Variants in RANBP2 observed in about 807,000 individuals in gnomAD.
The protein encoded by RANBP2 is E3 SUMO-protein ligase RanBP2.
In RANBP2, 57 loss-of-function variants were observed where a neutral mutation model predicts 303.6. The ratio of observed to expected loss-of-function variants is 0.19; its 90% CI spans 0.15 to 0.23. The LOEUF is 0.23. Ranked by LOEUF, RANBP2 falls within the 10% of genes least tolerant of loss-of-function variation. The probability of loss-of-function intolerance (pLI) is 1.00; values close to 1 mark genes in which losing one functional copy is unlikely to be tolerated. For missense variants in RANBP2, 3,138 were observed against 3,780.8 expected, an observed-to-expected ratio of 0.83 and a Z score of 4.46; for synonymous variants, 1,167 against 1,301.5, an observed-to-expected ratio of 0.90 and a Z score of 2.23.
the RANBP2 span, among the ~76,000 whole-genome samples, chr2:108,834,016 G>T: frequency 6.6e-6 from 1 of 150,628 alleles, no homozygotes; most frequent in Non-Finnish European, 1.5e-5. Context: ...AAAGTGCTGG[G>T]ATTACAGGCG....
chr2:109,647,627 C>A, the RANBP2 span, among the ~76,000 whole-genome samples: 1 of 151,966 alleles, frequency 6.6e-6, no homozygotes, highest in Non-Finnish European at 1.5e-5. Context: ...TGACACCATG[C>A]CCAGCTAATT....
chr2:109,053,653 T>C, the RANBP2 span, among the ~76,000 whole-genome samples: 1 of 152,220 alleles, frequency 6.6e-6, no homozygotes, highest in African/African-American at 2.4e-5. Flanking sequence ...ATAAACCTGC[T>C]TCATGTCACT....
At chr2:109,346,871 T>C in the RANBP2 span, among the ~76,000 whole-genome samples, 1 of 152,216 alleles carries the variant, frequency 6.6e-6, no homozygotes, top group Admixed American at 6.5e-5. Flanking sequence ...TGAACAATTG[T>C]ACTTCTGGAA....
the RANBP2 span, among the ~76,000 whole-genome samples, chr2:108,998,833 AG>A: frequency 2.7e-3 from 418 of 152,244 alleles, no homozygotes; most frequent in African/African-American, 9.1e-3. Context: ...AAATGGCTTC[AG>A]CCTGGCTCAG....
the RANBP2 span, among the ~76,000 whole-genome samples, chr2:109,780,148 G>GTTAGTCTGTTCACTGCCATC: frequency 1.0e-5 from 1 of 95,672 alleles, no homozygotes; most frequent in Non-Finnish European, 1.9e-5. Context: ...TCAAATCATA[G>GTTAGTCTGTTCACTGCCATC]TTAGTCTGTT....
chr2:109,022,609 G>A, the RANBP2 span, among the ~76,000 whole-genome samples: 1 of 152,094 alleles, frequency 6.6e-6, no homozygotes, highest in South Asian at 2.1e-4. Context: ...AAAGGTGGGA[G>A]GGGGAGAGGG....
chr2:109,013,225 G>A, the RANBP2 span, among the ~76,000 whole-genome samples: 48 of 152,288 alleles, frequency 3.2e-4, no homozygotes, highest in East Asian at 5.2e-3. Context: ...AAGGACATCC[G>A]CTTCCTTCGG....
the RANBP2 span, among the ~76,000 whole-genome samples, chr2:108,817,483 G>C: frequency 6.6e-6 from 1 of 152,024 alleles, no homozygotes; most frequent in African/African-American, 2.4e-5. Flanking sequence ...AGTAGAGACG[G>C]GGTTGCACTG....
the RANBP2 span, among the ~76,000 whole-genome samples, chr2:109,636,754 A>G: frequency 6.6e-6 from 1 of 152,168 alleles, no homozygotes; most frequent in Non-Finnish European, 1.5e-5. Context: ...CCTGGCCAAC[A>G]TGATGAAACC....
chr2:109,057,226 C>G, the RANBP2 span, among the ~76,000 whole-genome samples: 1 of 152,162 alleles, frequency 6.6e-6, no homozygotes, highest in African/African-American at 2.4e-5. Flanking sequence ...CCCCATAAAT[C>G]CACGGCTTTC....
chr2:109,213,999 G>A, the RANBP2 span, among the ~76,000 whole-genome samples: 1 of 152,206 alleles, frequency 6.6e-6, no homozygotes, highest in Admixed American at 6.5e-5. Flanking sequence ...TGGACGTGGC[G>A]GGCAGGGGAG....
At chr2:108,929,495 G>C in the RANBP2 span, 1 of 1,147,532 alleles carries the variant, frequency 8.7e-7, no homozygotes, top group East Asian at 2.4e-5. Flanking sequence ...TACTCTTGCC[G>C]GGCCTTGGTT....
chr2:109,438,168 C>A, the RANBP2 span, among the ~76,000 whole-genome samples: 2 of 152,204 alleles, frequency 1.3e-5, no homozygotes, highest in Non-Finnish European at 2.9e-5. Flanking sequence ...TCAGCAGAGG[C>A]CATATTTCCT....
the RANBP2 span, among the ~76,000 whole-genome samples, chr2:108,917,397 C>T: frequency 5.9e-5 from 9 of 152,084 alleles, no homozygotes; most frequent in Admixed American, 5.9e-4. Flanking sequence ...CTCACAGCTA[C>T]AAGAGAGGAT....
At chr2:108,950,036 G>T in the RANBP2 span, among the ~76,000 whole-genome samples, 1 of 152,200 alleles carries the variant, frequency 6.6e-6, no homozygotes, top group Non-Finnish European at 1.5e-5. Context: ...TATTCACTGA[G>T]TGCGGCCTGG....
At chr2:109,044,471 C>T in the RANBP2 span, among the ~76,000 whole-genome samples, 35 of 152,070 alleles carry the variant, frequency 2.3e-4, no homozygotes, top group African/African-American at 7.5e-4. Context: ...TGCAGTGAAC[C>T]GAGATGGCGC....
chr2:109,656,053 T>C, the RANBP2 span, among the ~76,000 whole-genome samples: 1 of 152,140 alleles, frequency 6.6e-6, no homozygotes, highest in African/African-American at 2.4e-5. Context: ...TCTCCACAAA[T>C]CCTAAGTCCC....
chr2:109,346,773 C>A, the RANBP2 span, among the ~76,000 whole-genome samples: 1 of 152,106 alleles, frequency 6.6e-6, no homozygotes, highest in Non-Finnish European at 1.5e-5. Flanking sequence ...GGTTTGAGAC[C>A]GAGGATGGCA....
chr2:109,060,958 G>A, the RANBP2 span, among the ~76,000 whole-genome samples: 1 of 152,126 alleles, frequency 6.6e-6, no homozygotes, highest in Admixed American at 6.5e-5. Flanking sequence ...AGCACCCTAA[G>A]GAAGCAGGTA....
Sources: gnomAD v4.1 joint callset for allele counts (sites outside exome capture counted in the v4.1 genomes callset) on GRCh38, gnomAD v4.1.1 for gene constraint, MANE v1.5 for transcripts, NCBI Gene and HGNC (gene_info 2026-07-23, HGNC 2026-07-21) for gene names.